STPG2: variants seen among roughly 807,000 people sequenced by gnomAD.
The protein encoded by STPG2 is sperm-tail PG-rich repeat-containing protein 2.
Under a neutral mutation model 54.2 loss-of-function variants are expected in STPG2, and 56 were observed. That is an observed-to-expected ratio of 1.03 (90% CI 0.83 to 1.29). STPG2 has a LOEUF of 1.29. Ranked by LOEUF, STPG2 falls within the 50% of genes most tolerant of loss-of-function variation. The probability of loss-of-function intolerance (pLI) is 0.00; values close to 1 mark genes in which losing one functional copy is unlikely to be tolerated. For missense variants in STPG2, 596 were observed against 544.9 expected (o/e 1.09, Z -0.93); for synonymous variants, 200 against 181.8 (o/e 1.10, Z -0.81).
chr4:97,585,950 C>T (rs1331372944), intron 10 of STPG2, among the ~76,000 whole-genome samples: 3 of 151,700 alleles, frequency 2.0e-5, no homozygotes, highest in African/African-American at 7.3e-5. Context: ...AATTAAAAAT[C>T]GCCCATCATA....
chr4:97,539,190 C>A (rs1241499590), intron 4 of STPG2, among the ~76,000 whole-genome samples: 4 of 152,142 alleles, frequency 2.6e-5, no homozygotes, highest in Non-Finnish European at 5.9e-5. Flanking sequence ...TCACACATAA[C>A]AATATTAACC....
At chr4:97,708,845 T>A (rs1423390193) in intron 10 of STPG2, among the ~76,000 whole-genome samples, 3 of 151,706 alleles carry the variant, frequency 2.0e-5, no homozygotes, top group Non-Finnish European at 3.0e-5. Flanking sequence ...TTACCCAGAA[T>A]GAGGGTTTTA....
At chr4:97,918,714 A>G (rs1239203328) in intron 8 of STPG2, among the ~76,000 whole-genome samples, 1 of 152,130 alleles carries the variant, frequency 6.6e-6, no homozygotes, top group Non-Finnish European at 1.5e-5. Context: ...GTAACTCAGG[A>G]ATGGAAAACC....
chr4:97,728,171 G>T (rs530817691), intron 9 of STPG2, among the ~76,000 whole-genome samples: 2 of 151,932 alleles, frequency 1.3e-5, no homozygotes, highest in South Asian at 4.2e-4. Context: ...ACAGCTGCAA[G>T]AAACTTATTC....
chr4:97,906,255 A>G (rs1731413349), intron 8 of STPG2, among the ~76,000 whole-genome samples: 1 of 152,254 alleles, frequency 6.6e-6, no homozygotes. Context: ...CAAATAAACT[A>G]GAAAATCTAG....
chr4:97,837,708 T>C (rs1728674499), intron 9 of STPG2, among the ~76,000 whole-genome samples: 1 of 151,678 alleles, frequency 6.6e-6, no homozygotes, highest in Non-Finnish European at 1.5e-5. Flanking sequence ...GAAAATGAGT[T>C]TTATCCCTCT....
At chr4:97,782,084 C>A (rs1359629048) in intron 9 of STPG2, among the ~76,000 whole-genome samples, 1 of 152,110 alleles carries the variant, frequency 6.6e-6, no homozygotes, top group Non-Finnish European at 1.5e-5. Context: ...CTGGCCAGGG[C>A]AATCAGGCAG....
intron 9 of STPG2, among the ~76,000 whole-genome samples, chr4:97,778,109 G>A (rs1275251251): frequency 6.6e-6 from 1 of 152,140 alleles, no homozygotes; most frequent in Non-Finnish European, 1.5e-5. Context: ...CCAAAGCAGG[G>A]TGAGGCATCG....
chr4:97,713,521 T>C (rs1724196677), intron 9 of STPG2, among the ~76,000 whole-genome samples: 1 of 152,234 alleles, frequency 6.6e-6, no homozygotes. Context: ...TTAGATTAAA[T>C]AGTCATGAAA....
chr4:97,869,310 A>G (rs1729899168), intron 8 of STPG2, among the ~76,000 whole-genome samples: 2 of 151,644 alleles, frequency 1.3e-5, no homozygotes. Context: ...TTATTTATTA[A>G]TGAAAAAACT....
chr4:97,993,545 A>ATT (rs71588926), intron 5 of STPG2, among the ~76,000 whole-genome samples: 2,574 of 142,212 alleles, frequency 0.018, 79 homozygotes, highest in African/African-American at 0.061. Flanking sequence ...TTTCTTTTCT[A>ATT]TTTTTTTTTT....
intron 4 of STPG2, among the ~76,000 whole-genome samples, chr4:97,549,543 A>C (rs1397282848): frequency 6.6e-6 from 1 of 152,156 alleles, no homozygotes; most frequent in Non-Finnish European, 1.5e-5. Flanking sequence ...CAAAAGATAC[A>C]TTCCCCCAGA....
At chr4:97,504,679 C>G (rs1197095956) in intron 4 of STPG2, among the ~76,000 whole-genome samples, 2 of 152,004 alleles carry the variant, frequency 1.3e-5, no homozygotes, top group East Asian at 3.9e-4. Flanking sequence ...AAAACAACAA[C>G]CCAAATCACA....
chr4:97,716,297 T>C (rs1452727074), intron 9 of STPG2, among the ~76,000 whole-genome samples: 1 of 152,112 alleles, frequency 6.6e-6, no homozygotes, highest in Non-Finnish European at 1.5e-5. Flanking sequence ...TGGCAATTCC[T>C]CAAGGATCTA....
chr4:97,834,844 TCCTCTCTAC>T (rs1728583985), intron 9 of STPG2, among the ~76,000 whole-genome samples: 1 of 152,024 alleles, frequency 6.6e-6, no homozygotes, highest in Admixed American at 6.6e-5. Flanking sequence ...CTGACTGAGC[TCCTCTCTAC>T]CCTGAATGCA....
intron 4 of STPG2, among the ~76,000 whole-genome samples, chr4:97,524,433 A>G (rs1731241868): frequency 6.6e-6 from 1 of 151,908 alleles, no homozygotes; most frequent in Non-Finnish European, 1.5e-5. Flanking sequence ...GATGAGCAGG[A>G]TTCATTTGCT....
At chr4:97,632,349 T>C (rs1363288998) in intron 10 of STPG2, among the ~76,000 whole-genome samples, 1 of 151,674 alleles carries the variant, frequency 6.6e-6, no homozygotes, top group Non-Finnish European at 1.5e-5. Flanking sequence ...ATCACAGCTA[T>C]GTTTTACAAG....
chr4:97,781,662 A>G lies in STPG2; in HGVS notation c.1204+59111T>C, dbSNP rs549605190. Among the ~76,000 whole-genome samples, 7 of 152,346 alleles carry G rather than the reference A, an allele frequency of 4.6e-5. No homozygotes were observed. In the South Asian group the frequency reaches 1.0e-3, roughly 23 times the overall value. ...AATTTTAGACCAATATCCCTGATGAACATCAATGCAAAAATCATGAATAAA... is the reference window on the plus strand; with the variant it reads ...AATTTTAGACCAATATCCCTGATGAGCATCAATGCAAAAATCATGAATAAA... On this transcript the variant is annotated intron_variant, in intron 9 of 10. Transcript: ENST00000295268.
At chr4:97,495,807 G>GTAAAA (rs571117310) in intron 4 of STPG2, among the ~76,000 whole-genome samples, 1,534 of 150,400 alleles carry the variant, frequency 0.01, 9 homozygotes, top group African/African-American at 0.021. Context: ...AAGAAGTTTG[G>GTAAAA]TAAAATAAAA....
Sources: gnomAD v4.1 joint callset for allele counts (sites outside exome capture counted in the v4.1 genomes callset) on GRCh38, gnomAD v4.1.1 for gene constraint, MANE v1.5 for transcripts, NCBI Gene and HGNC (gene_info 2026-07-23, HGNC 2026-07-21) for gene names.